ANKRD50: variants seen among roughly 807,000 people sequenced by gnomAD.
ANKRD50 encodes the protein ankyrin repeat domain-containing protein 50.
In ANKRD50, 40 loss-of-function variants were observed where a neutral mutation model predicts 112.0. The observed-to-expected ratio is 0.36, with a 90% confidence interval of 0.28 to 0.46. ANKRD50 has a LOEUF of 0.46. ANKRD50 is among the 20% of genes least tolerant of loss of function. ANKRD50 has a pLI of 1.00. For missense variants in ANKRD50, 1,487 were observed against 1,701.7 expected (o/e 0.87, Z 2.22); for synonymous variants, 613 against 619.1 (o/e 0.99, Z 0.15).
chr4:124,688,728 A>T (rs1184423204), intron 2 of ANKRD50, among the ~76,000 whole-genome samples: 1 of 152,170 alleles, frequency 6.6e-6, no homozygotes, highest in African/African-American at 2.4e-5. Flanking sequence ...AGATCAGATC[A>T]TTAACACTGA....
rs747994444 is a variant in ANKRD50 at position 124,678,717 on chromosome 4, G to C, written c.701C>G (p.Ser234Cys). ...FFPPWLLLLC[S>C]ARKQSKAVTK... is the part of the protein sequence containing the mutation. ...AACAGCCTTACTCTGCTTTCGGGCA[G>C]AACAGAGAAGCAATAGCCATGGTGG... The change falls in exon 3 of 5, where the codon TCT becomes TGT. Residue 234 changes from serine (S) to cysteine (C), a missense_variant. This residue lies in a region of ANKRD50 where 1,046 missense variants were observed against 1,269.5 expected (regional missense o/e 0.82). Transcript: ENST00000504087. The C allele has an allele frequency of 6.2e-7, 1 of 1,613,838 alleles. No homozygotes were observed. The highest frequency in any genetic ancestry group is 1.1e-5 in the South Asian group (1 of 91,062).
At position 124,678,914 on chromosome 4, in the gene ANKRD50, C is replaced by T. The variant is rs769088342; in HGVS notation, c.513-9G>A. The T allele has an allele frequency of 1.9e-6, 3 of 1,569,292 alleles. No homozygotes were observed. Among genetic ancestry groups the T allele is most frequent in the South Asian group, 1.1e-5 (1 of 89,570 alleles). On this transcript the variant is annotated splice_polypyrimidine_tract_variant and intron_variant, in intron 2 of 4. Coordinates refer to ENST00000504087, the MANE Select transcript of ANKRD50 (RefSeq NM_020337.3). ...GAGGGAGTAGAACACACCTGTAAAA[C>T]ACATACACATGAGCATTTTGAATGT...
In ANKRD50 at chr4:124,671,365, C is replaced by T; in HGVS notation, c.1912G>A (p.Asp638Asn). 1.2e-6 allele frequency: 2 copies of T among 1,613,864 alleles called. No homozygotes were observed. The highest frequency in any genetic ancestry group is 1.7e-6 in the Non-Finnish European group (2 of 1,179,862). ...SALLYAGVKVDCADADSRTAL... is the reference protein window; with the variant it reads ...SALLYAGVKVNCADADSRTAL... ...GTTCGGCTATCAGCATCTGCACAAT[C>T]CACTTTTACGCCAGCATAAAGTAGT... is the stretch of plus-strand genomic sequence containing the variant. The change falls in exon 4 of 5, where the codon GAT becomes AAT. Residue 638 changes from aspartate to asparagine, a missense_variant. This residue lies in a region of ANKRD50 where 1,046 missense variants were observed against 1,269.5 expected (regional missense o/e 0.82). Transcript: ENST00000504087.
chr4:124,678,776 A>G lies in ANKRD50; in HGVS notation c.642T>C (p.Val214=), dbSNP rs759661008. The G allele has an allele frequency of 3.7e-6, 6 of 1,613,948 alleles. No individual in the cohort carries two copies. Residue 214 remains valine, a synonymous_variant, in exon 3 of 5, where the codon GTT becomes GTC. Coordinates refer to ENST00000504087, the MANE Select transcript of ANKRD50 (RefSeq NM_020337.3). The part of the protein sequence containing the change: ...EQTSTSLSGT[V]AALLAGHHEF... ...CATGGTGACCAGCTAAAAGTGCTGC[A>G]ACAGTCCCAGATAAGCTGGTAGACG...
intron 2 of ANKRD50, among the ~76,000 whole-genome samples, chr4:124,700,113 A>C (rs554713959): frequency 6.6e-6 from 1 of 152,364 alleles, no homozygotes; most frequent in East Asian, 1.9e-4. Flanking sequence ...CTAAAGATTC[A>C]GTGAATAAGG....
At position 124,710,223 on chromosome 4, in the gene ANKRD50, C is replaced by A; in HGVS notation, c.289G>T (p.Ala97Ser). The A allele has an allele frequency of 6.2e-7, 1 of 1,614,226 alleles. No homozygotes were observed. The highest frequency in any genetic ancestry group is 8.5e-7 in the Non-Finnish European group (1 of 1,180,046). The change falls in exon 2 of 5, where the codon GCA becomes TCA. Residue 97 changes from alanine to serine, a missense_variant. This residue lies in a region of ANKRD50 where 1,046 missense variants were observed against 1,269.5 expected (regional missense o/e 0.82). Transcript: ENST00000504087. ...CGATGTAAACCTCTCTGCAAACTTGCAGGTGAACTTGGCCATAAGAGTTCA... is the reference window on the plus strand; with the variant it reads ...CGATGTAAACCTCTCTGCAAACTTGAAGGTGAACTTGGCCATAAGAGTTCA... Reference protein sequence around the residue: ...CTELLWPSSPASLQRGLHRQA... With the variant: ...CTELLWPSSPSSLQRGLHRQA...
chr4:124,711,331 T>C (rs116041252), intron 1 of ANKRD50, 57 bp from the exon 2 acceptor site: 2 of 152,350 alleles, frequency 1.3e-5, no homozygotes, highest in Admixed American at 6.5e-5. Context: ...TAAAAACTTA[T>C]TAAGGACAAT....
chr4:124,674,586 T>C (rs1354827645), intron 3 of ANKRD50, among the ~76,000 whole-genome samples: 1 of 151,952 alleles, frequency 6.6e-6, no homozygotes, highest in Non-Finnish European at 1.5e-5. Context: ...TGATAAATTT[T>C]GATTGTTTTG....
chr4:124,710,079 C>A lies in ANKRD50; in HGVS notation c.433G>T (p.Asp145Tyr). The change falls in exon 2 of 5, where the codon GAC becomes TAC. Residue 145 changes from aspartate to tyrosine, a missense_variant. Asp to Tyr is a radical substitution (Grantham distance 160, BLOSUM62 -3). Transcript: ENST00000504087. ...CRSGLLQGYE[D>Y]KLRDPAVQSL... ...TGGACTGCTGGATCCCTTAGCTTGT[C>A]CTCATATCCTTGGAGTAGTCCACTG... 1.2e-6 allele frequency: 2 copies of A among 1,614,176 alleles called. No individual in the cohort carries two copies. Among genetic ancestry groups the A allele is most frequent in the South Asian group, 2.2e-5 (2 of 91,086 alleles).
intron 3 of ANKRD50, among the ~76,000 whole-genome samples, chr4:124,673,898 T>C (rs970408322): frequency 2.6e-5 from 4 of 152,032 alleles, no homozygotes; most frequent in Non-Finnish European, 5.9e-5. Context: ...TAATTTTACA[T>C]ATATATGTAT....
chr4:124,670,494 A>G lies in ANKRD50; in HGVS notation c.2783T>C (p.Ile928Thr), dbSNP rs1730615477. 6.2e-7 allele frequency: 1 copy of G among 1,613,806 alleles called. No individual in the cohort carries two copies. Among genetic ancestry groups the G allele is most frequent in the Non-Finnish European group, 8.5e-7 (1 of 1,179,886 alleles). ...ACCATGGCTAAAAAGCAATTCAACA[A>G]TGTCCCTGTGCCCTTCTAATGCAGC... ...RVAALEGHRD[I>T]VELLFSHGAD... The change falls in exon 4 of 5, where the codon ATT becomes ACT. Residue 928 changes from isoleucine to threonine, a missense_variant. Physicochemically the swap from Ile to Thr is moderately conservative, Grantham distance 89 (BLOSUM62 -1). Transcript: ENST00000504087.
Position 124,666,167 on chromosome 4 carries a change from G to A in ANKRD50, c.*1351C>T, listed in dbSNP as rs546951118. The A allele has an allele frequency of 6.6e-6, 1 of 152,296 alleles. No individual in the cohort carries two copies. Among genetic ancestry groups the A allele is most frequent in the African/African-American group, 2.4e-5 (1 of 41,474 alleles). 9.4% of individuals were successfully genotyped at this position (152,296 alleles called of 1,614,324 possible). A position where few individuals can be genotyped will look rare whatever the true frequency, so the allele number is the denominator to read the frequency against. Reference sequence around the variant, plus strand: ...TGACAACTTTTCCAGACATATAAACGACCCATCTAAGCTACAGCTCCACTG... The same window carrying A: ...TGACAACTTTTCCAGACATATAAACAACCCATCTAAGCTACAGCTCCACTG... On this transcript the variant is annotated 3_prime_UTR_variant, in exon 5 of 5. Coordinates refer to ENST00000504087, the MANE Select transcript of ANKRD50 (RefSeq NM_020337.3).
At chr4:124,708,890 GAAT>G in intron 2 of ANKRD50, among the ~76,000 whole-genome samples, 1 of 151,922 alleles carries the variant, frequency 6.6e-6, no homozygotes, top group Middle Eastern at 3.4e-3. Flanking sequence ...AAAGCACTTA[GAAT>G]AATGACTGAC....
At chr4:124,668,151 C>A (rs985237285) in intron 4 of ANKRD50, among the ~76,000 whole-genome samples, 2 of 151,822 alleles carry the variant, frequency 1.3e-5, no homozygotes, top group African/African-American at 4.8e-5. Context: ...AACTTACATA[C>A]CTATTTTCCC....
chr4:124,672,098 G>A lies in ANKRD50; in HGVS notation c.1179C>T (p.Ser393=), dbSNP rs1047511155. The A allele has an allele frequency of 1.2e-6, 2 of 1,613,742 alleles. No individual in the cohort carries two copies. The highest frequency in any genetic ancestry group is 1.3e-5 in the African/African-American group (1 of 74,868). The change falls in exon 4 of 5, where the codon TCC becomes TCT. Residue 393 remains serine, a synonymous_variant. Transcript: ENST00000504087. ...EDFQRKLDIL[S]KLLVDGLGNT... is the part of the protein sequence containing the mutation. ...TTCCTAGTCCATCAACAAGAAGTTT[G>A]GAGAGGATATCTAACTTGCGTTGAA...
chr4:124,700,020 G>A (rs558542622), intron 2 of ANKRD50, among the ~76,000 whole-genome samples: 55 of 152,150 alleles, frequency 3.6e-4, no homozygotes, highest in Non-Finnish European at 6.6e-4. Flanking sequence ...AATAGTTCCA[G>A]ATCATTACAG....
At chr4:124,711,860 T>C (rs1725640812) in intron 1 of ANKRD50, among the ~76,000 whole-genome samples, 1 of 151,792 alleles carries the variant, frequency 6.6e-6, no homozygotes, top group Non-Finnish European at 1.5e-5. Flanking sequence ...GGGCCAAGGA[T>C]GGAGGTCAGG....
rs772425796 is a variant in ANKRD50, at chr4:124,669,438, C to T, written c.3839G>A (p.Gly1280Glu). 1 of 1,612,804 alleles carries T rather than the reference C, an allele frequency of 6.2e-7. No homozygotes were observed. Among genetic ancestry groups the T allele is most frequent in the Middle Eastern group, 1.7e-4 (1 of 6,056 alleles). ...GGKSENSAKS[G>E]SAGKKAKQSN... ...TTGTTTCGCTTTTTTCCCAGCTGAT[C>T]CAGACTTGGCAGAATTTTCTGATTT... is the stretch of plus-strand genomic sequence containing the variant. Residue 1280 changes from glycine to glutamate, a missense_variant, in exon 4 of 5, where the codon GGA becomes GAA. Physicochemically the swap from Gly to Glu is moderately conservative, Grantham distance 98. Around this residue, in one of 2 missense-constraint regions of ANKRD50, gnomAD observed 441 missense variants for 432.2 expected, o/e 1.02. Coordinates refer to ENST00000504087, the MANE Select transcript of ANKRD50 (RefSeq NM_020337.3).
chr4:124,690,659 T>C (rs1211978393), intron 2 of ANKRD50, among the ~76,000 whole-genome samples: 1 of 152,218 alleles, frequency 6.6e-6, no homozygotes, highest in Non-Finnish European at 1.5e-5. Flanking sequence ...ATGCATGGTT[T>C]ACTACAATTA....
Sources: allele counts gnomAD v4.1 joint callset (sites outside exome capture counted in the v4.1 genomes callset), GRCh38; gene constraint gnomAD v4.1.1; regional missense constraint gnomAD v4.1.1; transcripts MANE v1.5; gene names NCBI Gene and HGNC (gene_info 2026-07-23, HGNC 2026-07-21).